The following MAP7 variants were observed in gnomAD, a reference collection of about 807,000 sequenced individuals.
The protein encoded by MAP7 is ensconsin.
MAP7 carries 52 observed loss-of-function variants against 94.8 expected under a neutral mutation model. That is an observed-to-expected ratio of 0.55 (90% CI 0.44 to 0.69). The LOEUF (loss-of-function observed/expected upper bound fraction) is 0.69. MAP7 is among the 30% of genes least tolerant of loss of function. MAP7 has a pLI of 0.00. For missense variants in MAP7, 940 were observed against 964.6 expected, an observed-to-expected ratio of 0.97 and a Z score of 0.34; for synonymous variants, 350 against 357.0, an observed-to-expected ratio of 0.98 and a Z score of 0.22.
intron 2 of MAP7, among the ~76,000 whole-genome samples, chr6:136,413,621 T>G (rs1396435430): frequency 1.3e-5 from 2 of 152,192 alleles, no homozygotes; most frequent in Non-Finnish European, 2.9e-5. Context: ...CTTTTTTTTA[T>G]TTTTTACTTT....
intron 2 of MAP7, among the ~76,000 whole-genome samples, chr6:136,418,506 G>A (rs1790250813): frequency 6.6e-6 from 1 of 152,146 alleles, no homozygotes; most frequent in Non-Finnish European, 1.5e-5. Flanking sequence ...TGAGCCACCG[G>A]CGCCTGGCCA....
At chr6:136,456,232 A>G (rs1459282485) in intron 1 of MAP7, among the ~76,000 whole-genome samples, 5 of 152,224 alleles carry the variant, frequency 3.3e-5, no homozygotes, top group African/African-American at 1.2e-4. Flanking sequence ...AAATGAGTAG[A>G]GAAAAAGACT....
chr6:136,401,720 T>C (rs1784135918), intron 3 of MAP7, among the ~76,000 whole-genome samples: 2 of 151,628 alleles, frequency 1.3e-5, no homozygotes, highest in Non-Finnish European at 1.5e-5. Flanking sequence ...ACGTGGCACA[T>C]GTATACATAT....
chr6:136,429,297 C>T (rs1794206857), intron 1 of MAP7, among the ~76,000 whole-genome samples: 1 of 152,198 alleles, frequency 6.6e-6, no homozygotes, highest in African/African-American at 2.4e-5. Context: ...TGACACTCTG[C>T]AAACACAACA....
chr6:136,524,665 G>T (rs1827340204), intron 1 of MAP7, among the ~76,000 whole-genome samples: 1 of 152,168 alleles, frequency 6.6e-6, no homozygotes, highest in African/African-American at 2.4e-5. Flanking sequence ...TAAAAATGAA[G>T]TAATATGCTT....
intron 2 of MAP7, among the ~76,000 whole-genome samples, chr6:136,418,362 G>A (rs142004515): frequency 1.3e-5 from 2 of 151,998 alleles, no homozygotes; most frequent in South Asian, 2.1e-4. Flanking sequence ...TTATGGGCGC[G>A]CACTACCATG....
In MAP7 at chr6:136,439,490, G is replaced by T. The variant is rs376378352; in HGVS notation, c.68-17691C>A. Reference sequence around the variant, plus strand: ...GGTTTTTGTTATTAGCAGCATAAACGGTCTAAGACAATACCTAAAAATGTG... The same window carrying T: ...GGTTTTTGTTATTAGCAGCATAAACTGTCTAAGACAATACCTAAAAATGTG... On this transcript the variant is annotated intron_variant, in intron 1 of 17. Transcript: ENST00000354570. Among the ~76,000 whole-genome samples, 4 of 152,156 alleles carry T rather than the reference G, an allele frequency of 2.6e-5. No homozygotes were observed. In the South Asian group the frequency reaches 6.2e-4, roughly 24 times the overall value.
intron 17 of MAP7, 138 bp downstream of exon 17, chr6:136,345,718 A>G: frequency 1.3e-6 from 1 of 776,038 alleles, no homozygotes; most frequent in Admixed American, 1.9e-5. Flanking sequence ...GCCAGGCACA[A>G]TCTCTTCCAC....
chr6:136,525,707 T>G lies in MAP7; in HGVS notation c.67+24635A>C, dbSNP rs191499789. Reference sequence around the variant, plus strand: ...GGGTATAAACACTACCAGCAAACCGTGCTAGGAGGTCACAAGCACTCCCTG... The same window carrying G: ...GGGTATAAACACTACCAGCAAACCGGGCTAGGAGGTCACAAGCACTCCCTG... On this transcript the variant is annotated intron_variant, in intron 1 of 17. Coordinates refer to ENST00000354570, the MANE Select transcript of MAP7 (RefSeq NM_003980.6). 1.9e-4 allele frequency: 188 copies of G among 998,866 alleles called. No homozygotes were observed. In the African/African-American group the frequency reaches 2.9e-3, roughly 16 times the overall value. The allele number at this position is 998,866 out of a possible 1,614,324, so 61.9% of individuals were successfully genotyped here.
At chr6:136,362,866 C>A (rs915161138) in intron 10 of MAP7, among the ~76,000 whole-genome samples, 164 bp from the exon 11 acceptor site, 4 of 152,122 alleles carry the variant, frequency 2.6e-5, no homozygotes, top group African/African-American at 9.7e-5. Context: ...CTATCTGTAA[C>A]CAAGCAACAG....
At chr6:136,356,325 G>T (rs1328965726) in intron 16 of MAP7, among the ~76,000 whole-genome samples, 1 of 150,880 alleles carries the variant, frequency 6.6e-6, no homozygotes, top group East Asian at 2.0e-4. Flanking sequence ...TATCACGTCT[G>T]CTAGTTTTGC....
intron 6 of MAP7, among the ~76,000 whole-genome samples, chr6:136,379,942 G>GCGTC (rs1423908934): frequency 6.6e-6 from 1 of 152,168 alleles, no homozygotes; most frequent in Non-Finnish European, 1.5e-5. Context: ...TGGAGACAGA[G>GCGTC]CGTCCGTAAG....
chr6:136,511,555 T>C (rs1315941599), intron 1 of MAP7, among the ~76,000 whole-genome samples: 1 of 152,058 alleles, frequency 6.6e-6, no homozygotes, highest in Non-Finnish European at 1.5e-5. Flanking sequence ...TTTGTGAGGG[T>C]GGCTTAATGA....
At chr6:136,469,081 A>T (rs1288349091) in intron 1 of MAP7, among the ~76,000 whole-genome samples, 1 of 152,146 alleles carries the variant, frequency 6.6e-6, no homozygotes, top group African/African-American at 2.4e-5. Flanking sequence ...GTTTTTGTAT[A>T]CGACAAGTGG....
At position 136,388,428 on chromosome 6, in the gene MAP7, C is replaced by T. The variant is rs1350613965; in HGVS notation, c.491G>A (p.Gly164Asp). 6.2e-7 allele frequency: 1 copy of T among 1,613,984 alleles called. No homozygotes were observed. The highest frequency in any genetic ancestry group is 1.3e-5 in the African/African-American group (1 of 74,928). ...KQKHNRWSWG[G>D]SLHGSPSIHS... is the part of the protein sequence containing the mutation. ...GATGCTAGGGCTCCCATGGAGAGAG[C>T]CTCCCCACGACCAACGGTTATGCTT... The change falls in exon 5 of 18, where the codon GGC becomes GAC. Residue 164 changes from glycine to aspartate, a missense_variant. Physicochemically the swap from Gly to Asp is moderately conservative, Grantham distance 94. Transcript: ENST00000354570.
intron 1 of MAP7, among the ~76,000 whole-genome samples, chr6:136,434,697 G>A (rs1255867761): frequency 6.7e-6 from 1 of 149,644 alleles, no homozygotes; most frequent in East Asian, 2.0e-4. Flanking sequence ...ACATCTAAAT[G>A]TAGTAACAAA....
intron 1 of MAP7, among the ~76,000 whole-genome samples, chr6:136,505,669 T>C (rs922222431): frequency 3.3e-5 from 5 of 151,902 alleles, no homozygotes; most frequent in Admixed American, 1.3e-4. Context: ...TCCAGAAACA[T>C]ATGAGTACCA....
intron 3 of MAP7, among the ~76,000 whole-genome samples, chr6:136,393,224 C>A (rs1340256634): frequency 6.6e-6 from 1 of 152,130 alleles, no homozygotes; most frequent in Non-Finnish European, 1.5e-5. Flanking sequence ...CTCCTTAATG[C>A]ACCTCCCATC....
At chr6:136,400,460 A>C (rs550260541) in intron 3 of MAP7, among the ~76,000 whole-genome samples, 23 of 152,264 alleles carry the variant, frequency 1.5e-4, no homozygotes, top group African/African-American at 5.5e-4. Context: ...TTTTTTAAAA[A>C]AAGCCAGATG....
Sources: allele counts gnomAD v4.1 joint callset (sites outside exome capture counted in the v4.1 genomes callset), GRCh38; gene constraint gnomAD v4.1.1; transcripts MANE v1.5; gene names NCBI Gene and HGNC (gene_info 2026-07-23, HGNC 2026-07-21).